Variants in PLXNA2 observed in about 807,000 individuals in gnomAD.
PLXNA2 encodes the protein plexin-A2.
A neutral mutation model predicts 193.5 loss-of-function variants in PLXNA2; 91 were observed. That is an observed-to-expected ratio of 0.47 (90% CI 0.40 to 0.56). The LOEUF is 0.56. Ranked by LOEUF, PLXNA2 falls within the 20% of genes least tolerant of loss-of-function variation. The pLI, the probability that PLXNA2 is intolerant of heterozygous loss-of-function variation, is 0.00. For synonymous variants in PLXNA2, 997 were observed against 1,027.3 expected (o/e 0.97, Z 0.56); for missense variants, 1,995 against 2,503.2 (o/e 0.80, Z 4.33).
chr1:208,241,607 C>G (rs1436139582), intron 1 of PLXNA2, among the ~76,000 whole-genome samples: 1 of 152,212 alleles, frequency 6.6e-6, no homozygotes, highest in Non-Finnish European at 1.5e-5. Context: ...ACCACTGCTG[C>G]TCCTCAGCAT....
chr1:208,164,848 A>G (rs1235363708), intron 3 of PLXNA2, among the ~76,000 whole-genome samples: 1 of 152,218 alleles, frequency 6.6e-6, no homozygotes. Context: ...GGATTCTCTT[A>G]TCTCGCCGGG....
chr1:208,082,339 T>G lies in PLXNA2; in HGVS notation c.2395+73A>C. The G allele has an allele frequency of 5.0e-6, 6 of 1,190,954 alleles. No individual in the cohort carries two copies. The highest frequency in any genetic ancestry group is 7.4e-6 in the Non-Finnish European group (6 of 811,404). 73.8% of individuals were successfully genotyped at this position (1,190,954 alleles called of 1,614,324 possible). A position where few individuals can be genotyped will look rare whatever the true frequency, so the allele number is the denominator to read the frequency against. ...ATTCATGGCACAGCGGCTGGCTGGCTCTGATCCCTCTAGCCCCAGTCTTTC... is the reference window on the plus strand; with the variant it reads ...ATTCATGGCACAGCGGCTGGCTGGCGCTGATCCCTCTAGCCCCAGTCTTTC... On this transcript the variant is annotated intron_variant, in intron 11 of 31. Coordinates refer to ENST00000367033, the MANE Select transcript of PLXNA2 (RefSeq NM_025179.4). The surrounding 1 kb of genome is among the most constrained non-coding windows in gnomAD (Gnocchi z 4.2).
chr1:208,073,526 A>G (rs189233571), intron 12 of PLXNA2, among the ~76,000 whole-genome samples: 1 of 152,228 alleles, frequency 6.6e-6, no homozygotes, highest in Non-Finnish European at 1.5e-5. Context: ...TACAGTAGTC[A>G]TTAATTAAAT....
chr1:208,152,677 A>ACACG (rs758852841), intron 3 of PLXNA2, among the ~76,000 whole-genome samples: 4,693 of 117,456 alleles, frequency 0.04, 125 homozygotes, highest in East Asian at 0.13. Flanking sequence ...ATACACACAC[A>ACACG]CACACGCACA....
chr1:208,155,132 C>T (rs977170073), intron 3 of PLXNA2, among the ~76,000 whole-genome samples: 1 of 152,078 alleles, frequency 6.6e-6, no homozygotes, highest in Non-Finnish European at 1.5e-5. Context: ...GTGCATGGAG[C>T]GCGAACCCCT....
At chr1:208,140,424 T>C (rs1026536679) in intron 4 of PLXNA2, among the ~76,000 whole-genome samples, 3 of 152,190 alleles carry the variant, frequency 2.0e-5, no homozygotes, top group African/African-American at 7.2e-5. Flanking sequence ...CTTCCCACTT[T>C]GCTGGGCTCA....
At chr1:208,155,671 C>T (rs1668916330) in intron 3 of PLXNA2, among the ~76,000 whole-genome samples, 1 of 152,184 alleles carries the variant, frequency 6.6e-6, no homozygotes, top group Non-Finnish European at 1.5e-5. Flanking sequence ...GAGGACCCGC[C>T]TGGGGCCTAC....
At position 208,112,495 on chromosome 1, in the gene PLXNA2, C is replaced by T. The variant is rs544039079; in HGVS notation, c.1507-9248G>A. Among the ~76,000 whole-genome samples, 43 of 152,332 alleles carry T rather than the reference C, an allele frequency of 2.8e-4. No homozygotes were observed. The South Asian group carries it at 8.5e-3, about 30-fold the overall frequency. ...TTCTGAGGCTTACGTGATGTCTGTACATACTGACTTGCACACAGCTGGTGC... is the reference window on the plus strand; with the variant it reads ...TTCTGAGGCTTACGTGATGTCTGTATATACTGACTTGCACACAGCTGGTGC... On this transcript the variant is annotated intron_variant, in intron 4 of 31. Transcript: ENST00000367033.
intron 4 of PLXNA2, among the ~76,000 whole-genome samples, chr1:208,141,363 G>T (rs1163871781): frequency 6.6e-6 from 1 of 152,168 alleles, no homozygotes; most frequent in East Asian, 1.9e-4. Flanking sequence ...TGGAACTCTT[G>T]CAGAATTCTC....
intron 12 of PLXNA2, among the ~76,000 whole-genome samples, chr1:208,070,614 A>C (rs993876694): frequency 1.8e-4 from 27 of 152,222 alleles, no homozygotes; most frequent in South Asian, 2.1e-4. Context: ...ACACTGGTCA[A>C]ACACAGGGGC....
intron 9 of PLXNA2, among the ~76,000 whole-genome samples, chr1:208,088,709 T>C (rs879386138): frequency 8.5e-5 from 13 of 152,232 alleles, no homozygotes; most frequent in Non-Finnish European, 1.6e-4. Flanking sequence ...TGAAAGTCAG[T>C]TTCCTCCTCT....
intron 7 of PLXNA2, 100 bp from the exon 8 acceptor site, chr1:208,096,225 C>A (rs1666881886): frequency 2.3e-6 from 2 of 874,532 alleles, no homozygotes; most frequent in Non-Finnish European, 3.8e-6. Context: ...CACCACAGGG[C>A]TCTCTTAGGA....
At position 208,074,502 on chromosome 1, in the gene PLXNA2, CTG is replaced by C. The variant is rs370961915; in HGVS notation, c.2586+4756_2586+4757del. Among the ~76,000 whole-genome samples, 114 of 152,308 alleles carry C rather than the reference CTG, an allele frequency of 7.5e-4. 1 individual carries two copies. The highest frequency in any genetic ancestry group is 2.5e-3 in the African/African-American group (104 of 41,556). Reference sequence around the variant, plus strand: ...GGTCCTAACCTGAAGTTTATGCAAACTGTGAAATTCAATAGCCTGTACAACTT... The same window carrying C: ...GGTCCTAACCTGAAGTTTATGCAAACTGAAATTCAATAGCCTGTACAACTT... On this transcript the variant is annotated intron_variant, in intron 12 of 31. Coordinates refer to ENST00000367033, the MANE Select transcript of PLXNA2 (RefSeq NM_025179.4).
intron 4 of PLXNA2, among the ~76,000 whole-genome samples, chr1:208,124,533 G>T (rs1288107389): frequency 1.3e-5 from 2 of 152,134 alleles, no homozygotes; most frequent in Admixed American, 1.3e-4. Context: ...ACAAAAATTA[G>T]CTGGGCGTGG....
At chr1:208,154,675 A>G (rs1668882464) in intron 3 of PLXNA2, among the ~76,000 whole-genome samples, 1 of 152,260 alleles carries the variant, frequency 6.6e-6, no homozygotes. Flanking sequence ...GTCTCTTCAT[A>G]GATTTTTTTT....
At chr1:208,192,089 C>A (rs764840700) in intron 3 of PLXNA2, among the ~76,000 whole-genome samples, 2 of 152,174 alleles carry the variant, frequency 1.3e-5, no homozygotes, top group Admixed American at 6.5e-5. Context: ...ACCTCTTCAG[C>A]CTCCTCTCTC....
intron 12 of PLXNA2, among the ~76,000 whole-genome samples, chr1:208,062,191 C>T (rs1005181150): frequency 6.6e-6 from 1 of 152,150 alleles, no homozygotes; most frequent in African/African-American, 2.4e-5. Flanking sequence ...CCCTCTTGAC[C>T]CTGTATGTGC....
intron 13 of PLXNA2, among the ~76,000 whole-genome samples, chr1:208,057,102 A>T (rs1665454770): frequency 1.3e-5 from 2 of 152,322 alleles, no homozygotes; most frequent in South Asian, 4.1e-4. Context: ...AAGGAGTATT[A>T]TGCCAAAGCA....
intron 3 of PLXNA2, among the ~76,000 whole-genome samples, chr1:208,184,076 T>A (rs1669926971): frequency 6.6e-6 from 1 of 152,236 alleles, no homozygotes; most frequent in East Asian, 1.9e-4. Flanking sequence ...CAGAATGTTA[T>A]CTTGGACAGT....
Sources: allele counts gnomAD v4.1 joint callset (sites outside exome capture counted in the v4.1 genomes callset), GRCh38; gene constraint gnomAD v4.1.1; non-coding constraint Gnocchi (gnomAD v3.1); transcripts MANE v1.5; gene names NCBI Gene and HGNC (gene_info 2026-07-23, HGNC 2026-07-21).